The following RAB2A variants were observed in gnomAD, a reference collection of about 807,000 sequenced individuals.
The protein encoded by RAB2A is ras-related protein Rab-2A.
In RAB2A, 7 loss-of-function variants were observed where a neutral mutation model predicts 32.5. That is an observed-to-expected ratio of 0.22 (90% CI 0.12 to 0.40). The LOEUF (loss-of-function observed/expected upper bound fraction) is 0.40, where lower values mean the gene tolerates loss of function less well. RAB2A is among the 10% of genes least tolerant of loss of function. The pLI is 1.00. For synonymous variants in RAB2A, 79 were observed against 85.2 expected, an observed-to-expected ratio of 0.93 and a Z score of 0.40; for missense variants, 108 against 260.7, an observed-to-expected ratio of 0.41 and a Z score of 4.03.
chr8:60,577,515 T>C (rs573941211), intron 3 of RAB2A, among the ~76,000 whole-genome samples: 1 of 152,326 alleles, frequency 6.6e-6, no homozygotes, highest in Non-Finnish European at 1.5e-5. Flanking sequence ...AGCCTAAAAA[T>C]CACTTTGATT....
chr8:60,558,180 T>C (rs1471124279), intron 1 of RAB2A, among the ~76,000 whole-genome samples: 1 of 152,194 alleles, frequency 6.6e-6, no homozygotes, highest in South Asian at 2.1e-4. Flanking sequence ...AGTGTGAGGA[T>C]GAGGAAATGT....
In RAB2A at chr8:60,604,727, G is replaced by A. The variant is rs867267750; in HGVS notation, c.474+12758G>A. ...TATCTGGCGGAAAAATTATCTAAGC[G>A]ACAAAGCATTGAAGATGTGGCCTGG... On this transcript the variant is annotated intron_variant, in intron 6 of 7. Transcript: ENST00000262646. Among the ~76,000 whole-genome samples the A allele has an allele frequency of 3.9e-5, 6 of 152,150 alleles. No individual in the cohort carries two copies. In the South Asian group the frequency reaches 6.2e-4, roughly 16 times the overall value.
chr8:60,593,863 A>G (rs926632786), intron 6 of RAB2A, among the ~76,000 whole-genome samples: 5 of 152,182 alleles, frequency 3.3e-5, no homozygotes, highest in African/African-American at 1.2e-4. Context: ...GTCTTAGCAA[A>G]CAAACAATCT....
At chr8:60,595,843 C>A (rs1260953316) in intron 6 of RAB2A, among the ~76,000 whole-genome samples, 2 of 152,108 alleles carry the variant, frequency 1.3e-5, no homozygotes, top group Non-Finnish European at 2.9e-5. Context: ...ATAAAATAAA[C>A]CTCAATAGAT....
intron 6 of RAB2A, among the ~76,000 whole-genome samples, chr8:60,604,326 T>C (rs1207028677): frequency 1.3e-5 from 2 of 152,166 alleles, no homozygotes; most frequent in Non-Finnish European, 2.9e-5. Context: ...CAGTCTCAGG[T>C]ATTTCTTTAT....
intron 1 of RAB2A, among the ~76,000 whole-genome samples, chr8:60,554,201 G>A (rs942781434): frequency 2.0e-5 from 3 of 152,204 alleles, no homozygotes; most frequent in Non-Finnish European, 2.9e-5. Context: ...AGGTTAGAAA[G>A]GCTGAAGGCA....
At chr8:60,567,772 CATT>C (rs1808137581) in intron 2 of RAB2A, among the ~76,000 whole-genome samples, 1 of 150,958 alleles carries the variant, frequency 6.6e-6, no homozygotes, top group Non-Finnish European at 1.5e-5. Context: ...TTTTTTTCAT[CATT>C]GTTAAATTAT....
At chr8:60,594,944 G>A (rs923104004) in intron 6 of RAB2A, among the ~76,000 whole-genome samples, 6 of 151,782 alleles carry the variant, frequency 4.0e-5, no homozygotes, top group East Asian at 3.9e-4. Flanking sequence ...ATAAACATAC[G>A]TAGCACAGTG....
chr8:60,607,490 T>C (rs1804255202), intron 6 of RAB2A, among the ~76,000 whole-genome samples: 1 of 150,984 alleles, frequency 6.6e-6, no homozygotes, highest in Non-Finnish European at 1.5e-5. Flanking sequence ...TTGCCGAGGC[T>C]TGTCTCAAAC....
intron 6 of RAB2A, among the ~76,000 whole-genome samples, chr8:60,617,229 T>A (rs1462696949): frequency 6.6e-6 from 1 of 152,144 alleles, no homozygotes; most frequent in Non-Finnish European, 1.5e-5. Flanking sequence ...GTGTATAAAT[T>A]TTGGTATTTA....
intron 6 of RAB2A, among the ~76,000 whole-genome samples, chr8:60,616,751 A>G (rs1191867063): frequency 6.6e-6 from 1 of 152,192 alleles, no homozygotes; most frequent in Non-Finnish European, 1.5e-5. Context: ...GAGTTTATGC[A>G]TATTCATATC....
At chr8:60,523,191 G>T (rs1384014066) in intron 1 of RAB2A, among the ~76,000 whole-genome samples, 2 of 145,388 alleles carry the variant, frequency 1.4e-5, no homozygotes, top group Non-Finnish European at 3.0e-5. Flanking sequence ...AGACAGTCTC[G>T]CTGTCACCCA....
At chr8:60,517,317 C>T (rs1807221394) in intron 1 of RAB2A, 64 bp downstream of exon 1, 2 of 1,374,284 alleles carry the variant, frequency 1.5e-6, no homozygotes, top group Middle Eastern at 2.5e-4. Context: ...GAGGGGCAAA[C>T]GGCGTCTGGC....
At chr8:60,605,878 G>A (rs958540231) in intron 6 of RAB2A, among the ~76,000 whole-genome samples, 1 of 136,452 alleles carries the variant, frequency 7.3e-6, no homozygotes, top group Non-Finnish European at 1.5e-5. Context: ...GCTGGGGGTG[G>A]TGGCTCACGC....
intron 1 of RAB2A, among the ~76,000 whole-genome samples, chr8:60,554,869 A>G (rs575498852): frequency 6.1e-4 from 93 of 152,218 alleles, no homozygotes; most frequent in African/African-American, 2.2e-3. Flanking sequence ...AAAAAGAAAG[A>G]AAAAAGAAAT....
intron 6 of RAB2A, among the ~76,000 whole-genome samples, chr8:60,614,931 G>T (rs1465830515): frequency 6.6e-6 from 1 of 152,206 alleles, no homozygotes; most frequent in Non-Finnish European, 1.5e-5. Context: ...GGGGAAGCAG[G>T]AGGACCACCA....
intron 6 of RAB2A, among the ~76,000 whole-genome samples, chr8:60,594,431 T>A (rs532000470): frequency 6.1e-4 from 93 of 152,308 alleles, no homozygotes; most frequent in African/African-American, 2.1e-3. Flanking sequence ...ATAGCAGATT[T>A]CTCATCAGAA....
At chr8:60,620,346 G>A (rs1240821452) in intron 7 of RAB2A, among the ~76,000 whole-genome samples, 1 of 152,158 alleles carries the variant, frequency 6.6e-6, no homozygotes, top group East Asian at 1.9e-4. Context: ...TGGGCTTTGG[G>A]TATTTTTATG....
At chr8:60,528,467 A>AT (rs886420430) in intron 1 of RAB2A, among the ~76,000 whole-genome samples, 1 of 151,812 alleles carries the variant, frequency 6.6e-6, no homozygotes, top group East Asian at 1.9e-4. Context: ...CAAAAACATA[A>AT]TTTTTTTTGC....
Sources: allele counts gnomAD v4.1 joint callset (sites outside exome capture counted in the v4.1 genomes callset), GRCh38; gene constraint gnomAD v4.1.1; transcripts MANE v1.5; gene names NCBI Gene and HGNC (gene_info 2026-07-23, HGNC 2026-07-21).